Variants in CNTNAP2 observed in about 807,000 individuals in gnomAD.
The protein encoded by CNTNAP2 is contactin associated protein 2.
In CNTNAP2, 98 loss-of-function variants were observed where a neutral mutation model predicts 155.2. The observed-to-expected ratio is 0.63, with a 90% CI of 0.54 to 0.75. CNTNAP2 has a LOEUF of 0.75. CNTNAP2 is among the 30% of genes least tolerant of loss of function. CNTNAP2 has a pLI of 0.00. For synonymous variants in CNTNAP2, 651 were observed against 631.2 expected (o/e 1.03, Z -0.47); for missense variants, 1,727 against 1,688.1 (o/e 1.02, Z -0.40).
rs149164697 is a variant in CNTNAP2 at position 146,320,470 on chromosome 7, C to T, written c.97+203497C>T. On this transcript the variant is annotated intron_variant, in intron 1 of 23. Transcript: ENST00000361727. ...ATACATAAGAAGAAGAAAATGGCAC[C>T]AGACTAAATAGTACCTCTTGAAATG... Among the ~76,000 whole-genome samples, 21 of 152,206 alleles carry T rather than the reference C, an allele frequency of 1.4e-4. No individual in the cohort carries two copies. In the East Asian group the frequency reaches 4.1e-3, roughly 29 times the overall value.
At chr7:147,499,528 C>CA (rs768319519) in intron 11 of CNTNAP2, among the ~76,000 whole-genome samples, 275 of 148,272 alleles carry the variant, frequency 1.9e-3, no homozygotes, top group African/African-American at 5.1e-3. Context: ...AACTCTGTCT[C>CA]AAAAAAAAAA....
intron 14 of CNTNAP2, among the ~76,000 whole-genome samples, chr7:147,945,881 T>TG (rs1227845105): frequency 1.8e-4 from 27 of 148,356 alleles, no homozygotes; most frequent in African/African-American, 5.4e-4. Context: ...TTTTTTTTTT[T>TG]TTTGAGACAG....
intron 15 of CNTNAP2, among the ~76,000 whole-genome samples, chr7:148,025,909 G>T (rs1475675724): frequency 6.6e-6 from 1 of 152,166 alleles, no homozygotes; most frequent in Non-Finnish European, 1.5e-5. Context: ...TGCATATGTG[G>T]CTATATGACC....
chr7:148,039,818 A>C (rs1284462544), intron 15 of CNTNAP2, among the ~76,000 whole-genome samples: 2 of 152,236 alleles, frequency 1.3e-5, no homozygotes, highest in Non-Finnish European at 2.9e-5. Context: ...ATGCCAAAGT[A>C]ACAGGATTGA....
Position 148,217,498 on chromosome 7 carries a change from T to C in CNTNAP2, c.3221T>C (p.Phe1074Ser). Reference sequence around the variant, plus strand: ...TACATCAGCTCCTTCACCACAGACTTCTTGGCAGTCCTCGTCAAACCCACT... The same window carrying C: ...TACATCAGCTCCTTCACCACAGACTCCTTGGCAGTCCTCGTCAAACCCACT... ...LLYISSFTTD[F>S]LAVLVKPTGS... is the part of the protein sequence containing the mutation. Residue 1074 changes from phenylalanine (F) to serine (S), a missense_variant, in exon 19 of 24, where the codon TTC (phenylalanine) becomes TCC (serine). Transcript: ENST00000361727. 6.2e-7 allele frequency: 1 copy of C among 1,614,164 alleles called. No homozygotes were observed. Among genetic ancestry groups the C allele is most frequent in the Non-Finnish European group, 8.5e-7 (1 of 1,180,020 alleles).
intron 14 of CNTNAP2, among the ~76,000 whole-genome samples, chr7:147,923,371 G>A (rs1056912045): frequency 6.6e-6 from 1 of 152,108 alleles, no homozygotes; most frequent in African/African-American, 2.4e-5. Flanking sequence ...CAGACTCAAG[G>A]AGAACACCAC....
At chr7:148,050,089 G>C (rs754735897) in intron 15 of CNTNAP2, among the ~76,000 whole-genome samples, 15 of 152,184 alleles carry the variant, frequency 9.9e-5, no homozygotes, top group Admixed American at 5.9e-4. Context: ...TTGAGCCCGG[G>C]AGGCAGTTTG....
At chr7:147,545,856 A>G (rs1257268135) in intron 11 of CNTNAP2, among the ~76,000 whole-genome samples, 5 of 152,174 alleles carry the variant, frequency 3.3e-5, no homozygotes, top group Non-Finnish European at 7.3e-5. Flanking sequence ...AGTGGGAAAT[A>G]ATTGAATCAT....
At chr7:146,485,176 A>G (rs768891947) in intron 1 of CNTNAP2, among the ~76,000 whole-genome samples, 14 of 151,426 alleles carry the variant, frequency 9.2e-5, no homozygotes, top group Non-Finnish European at 1.6e-4. Flanking sequence ...TTTTTTTTGC[A>G]ATGTTGGAAA....
intron 21 of CNTNAP2, among the ~76,000 whole-genome samples, chr7:148,368,857 A>G (rs1322494351): frequency 6.6e-6 from 1 of 152,092 alleles, no homozygotes; most frequent in Non-Finnish European, 1.5e-5. Flanking sequence ...CTTTCTATAC[A>G]ATGTCTGGAG....
intron 3 of CNTNAP2, among the ~76,000 whole-genome samples, chr7:147,031,073 C>T (rs1237307500): frequency 2.0e-5 from 3 of 152,080 alleles, no homozygotes; most frequent in Non-Finnish European, 2.9e-5. Context: ...TACCTCCAAA[C>T]CTCTGCTTCT....
intron 21 of CNTNAP2, among the ~76,000 whole-genome samples, chr7:148,309,008 G>A (rs930175800): frequency 2.6e-5 from 4 of 152,104 alleles, no homozygotes; most frequent in Non-Finnish European, 5.9e-5. Context: ...CCAACTCTTT[G>A]CTATTGTGAA....
chr7:147,962,346 T>C (rs1250565397), intron 14 of CNTNAP2, among the ~76,000 whole-genome samples: 1 of 152,216 alleles, frequency 6.6e-6, no homozygotes, highest in Non-Finnish European at 1.5e-5. Context: ...GGAATTAATT[T>C]TGAAGCTCAG....
chr7:146,856,823 T>C (rs1381506800), intron 3 of CNTNAP2, among the ~76,000 whole-genome samples: 1 of 152,134 alleles, frequency 6.6e-6, no homozygotes, highest in Non-Finnish European at 1.5e-5. Flanking sequence ...AGGAATGTTC[T>C]ACTAAAAAGA....
At chr7:147,884,207 C>T (rs902666780) in intron 13 of CNTNAP2, among the ~76,000 whole-genome samples, 10 of 152,218 alleles carry the variant, frequency 6.6e-5, no homozygotes, top group Non-Finnish European at 1.2e-4. Context: ...GATGGCAGAC[C>T]GGCTGGAACA....
chr7:148,155,540 T>G (rs552514236), intron 17 of CNTNAP2, among the ~76,000 whole-genome samples: 10 of 152,296 alleles, frequency 6.6e-5, no homozygotes, highest in African/African-American at 2.4e-4. Flanking sequence ...TTTCACAACT[T>G]GGAGTTAGGC....
rs2129171378 is a variant in CNTNAP2, at chr7:146,689,822, C to T, written c.98-84449C>T. On this transcript the variant is annotated intron_variant, in intron 1 of 23. Transcript: ENST00000361727. Reference sequence around the variant, plus strand: ...TTTATGTGAATATACTACATTTTATCATGCAGAAATACTGTGTATCTTTTC... The same window carrying T: ...TTTATGTGAATATACTACATTTTATTATGCAGAAATACTGTGTATCTTTTC... Among the ~76,000 whole-genome samples, 3 of 152,092 alleles carry T rather than the reference C, an allele frequency of 2.0e-5. No homozygotes were observed. In the Middle Eastern group the frequency reaches 0.01, roughly 517 times the overall value.
chr7:147,684,266 G>T (rs1477913058), intron 13 of CNTNAP2, among the ~76,000 whole-genome samples: 1 of 151,768 alleles, frequency 6.6e-6, no homozygotes, highest in African/African-American at 2.4e-5. Context: ...TTTTAATGTG[G>T]TTAAGGTTTA....
intron 1 of CNTNAP2, among the ~76,000 whole-genome samples, chr7:146,362,731 C>T (rs1259666142): frequency 6.9e-6 from 1 of 145,336 alleles, no homozygotes; most frequent in Non-Finnish European, 1.5e-5. Context: ...TGAATTATAG[C>T]AAAAATAGCA....
Sources: gnomAD v4.1 joint callset for allele counts (sites outside exome capture counted in the v4.1 genomes callset) on GRCh38, gnomAD v4.1.1 for gene constraint, MANE v1.5 for transcripts, NCBI Gene and HGNC (gene_info 2026-07-23, HGNC 2026-07-21) for gene names.